PTPRD: variants seen among roughly 807,000 people sequenced by gnomAD.
The protein encoded by PTPRD is receptor-type tyrosine-protein phosphatase delta.
Under a neutral mutation model 214.5 loss-of-function variants are expected in PTPRD, and 34 were observed. The observed-to-expected ratio is 0.16, with a 90% CI of 0.12 to 0.21. The LOEUF (loss-of-function observed/expected upper bound fraction) is 0.21, where lower values mean the gene tolerates loss of function less well. Ranked by LOEUF, PTPRD falls within the 10% of genes least tolerant of loss-of-function variation. The probability of loss-of-function intolerance (pLI) is 1.00; values close to 1 mark genes in which losing one functional copy is unlikely to be tolerated. For synonymous variants in PTPRD, 1,128 were observed against 845.7 expected, an observed-to-expected ratio of 1.33 and a Z score of -5.79; for missense variants, 2,545 against 2,398.7, an observed-to-expected ratio of 1.06 and a Z score of -1.27.
chr9:9,101,433 C>T (rs1193706028), intron 10 of PTPRD, among the ~76,000 whole-genome samples: 3 of 152,144 alleles, frequency 2.0e-5, no homozygotes, highest in African/African-American at 7.2e-5. Flanking sequence ...TTAGCATCCT[C>T]ACCTCCCATG....
At chr9:9,762,065 C>T (rs1017447759) in intron 6 of PTPRD, among the ~76,000 whole-genome samples, 1 of 152,172 alleles carries the variant, frequency 6.6e-6, no homozygotes, top group Non-Finnish European at 1.5e-5. Flanking sequence ...AGGCCAGTGT[C>T]CGAATCCCAA....
At chr9:8,523,669 A>G in intron 18 of PTPRD, 145 bp from the exon 19 acceptor site, 1 of 830,490 alleles carries the variant, frequency 1.2e-6, no homozygotes, top group Non-Finnish European at 1.9e-6. Context: ...CATCCTTCCT[A>G]TCTCAGCTGG....
chr9:9,621,737 C>G (rs1381509280), intron 7 of PTPRD, among the ~76,000 whole-genome samples: 1 of 152,124 alleles, frequency 6.6e-6, no homozygotes, highest in African/African-American at 2.4e-5. Flanking sequence ...TGAAGTGGAG[C>G]ACGCCTGGGC....
At chr9:8,977,681 T>TC in intron 11 of PTPRD, among the ~76,000 whole-genome samples, 1 of 149,208 alleles carries the variant, frequency 6.7e-6, no homozygotes, top group Middle Eastern at 3.4e-3. Flanking sequence ...TTTTTTTTTT[T>TC]TGCTAGTCCT....
intron 7 of PTPRD, among the ~76,000 whole-genome samples, chr9:9,686,753 A>C (rs536360130): frequency 1.2e-4 from 18 of 151,924 alleles, no homozygotes; most frequent in Admixed American, 9.9e-4. Flanking sequence ...CAGGTAATAC[A>C]TTGTGTACAT....
chr9:8,581,445 A>G (rs868355109), intron 14 of PTPRD, among the ~76,000 whole-genome samples: 4 of 152,262 alleles, frequency 2.6e-5, no homozygotes, highest in South Asian at 2.1e-4. Context: ...TAAACATCAT[A>G]AAGAAAGAAA....
In PTPRD at chr9:10,037,579, G is replaced by GA. The variant is rs1567236061; in HGVS notation, c.-544-3790_-544-3789insT. On this transcript the variant is annotated intron_variant, in intron 3 of 45. Coordinates refer to ENST00000381196, the MANE Select transcript of PTPRD (RefSeq NM_002839.4). ...GTCTTGAGTATTTCTTTATAGCAGTGGAAAAAAAAAAAAAAAAAAACAAGC... is the reference window on the plus strand; with the variant it reads ...GTCTTGAGTATTTCTTTATAGCAGTGAGAAAAAAAAAAAAAAAAAAACAAGC... Among the ~76,000 whole-genome samples, 29 of 80,030 alleles carry GA rather than the reference G, an allele frequency of 3.6e-4. No homozygotes were observed. In the East Asian group the frequency reaches 3.9e-3, roughly 11 times the overall value. 52.5% of individuals were successfully genotyped at this position (80,030 alleles called of 152,430 possible).
chr9:10,470,577 G>C (rs189099287), intron 2 of PTPRD, among the ~76,000 whole-genome samples: 1 of 152,216 alleles, frequency 6.6e-6, no homozygotes, highest in East Asian at 1.9e-4. Flanking sequence ...AAAAGAAGTG[G>C]TAATAAATGG....
At position 10,033,776 on chromosome 9, in the gene PTPRD, C is replaced by T. The variant is rs1178207053; in HGVS notation, c.-530G>A. 1 of 152,068 alleles carries T rather than the reference C, an allele frequency of 6.6e-6. No individual in the cohort carries two copies. Among genetic ancestry groups the T allele is most frequent in the African/African-American group, 2.4e-5 (1 of 41,418 alleles). 9.4% of individuals were successfully genotyped at this position (152,068 alleles called of 1,614,324 possible). ...TAGCTGGAGGATGAAAAGTATCAGA[C>T]TCCTCAAGATTTCCCTGAAAGGAAA... On this transcript the variant is annotated 5_prime_UTR_variant, in exon 4 of 46. Coordinates refer to ENST00000381196, the MANE Select transcript of PTPRD (RefSeq NM_002839.4).
chr9:10,070,749 G>A (rs2097991800), intron 3 of PTPRD, among the ~76,000 whole-genome samples: 1 of 151,794 alleles, frequency 6.6e-6, no homozygotes, highest in Non-Finnish European at 1.5e-5. Context: ...AATTTTCAAT[G>A]ACTATTTAGT....
intron 2 of PTPRD, among the ~76,000 whole-genome samples, chr9:10,381,836 G>T (rs1192174256): frequency 6.6e-6 from 1 of 151,828 alleles, no homozygotes; most frequent in Non-Finnish European, 1.5e-5. Context: ...TTCACCAGTG[G>T]CATTATTGGA....
chr9:8,669,822 T>C (rs1400330689), intron 12 of PTPRD, among the ~76,000 whole-genome samples: 2 of 152,062 alleles, frequency 1.3e-5, no homozygotes, highest in Non-Finnish European at 2.9e-5. Flanking sequence ...TTATGAATAA[T>C]GTAGAGCCTG....
chr9:9,459,560 T>C (rs1437655182), intron 8 of PTPRD, among the ~76,000 whole-genome samples: 1 of 152,044 alleles, frequency 6.6e-6, no homozygotes, highest in Non-Finnish European at 1.5e-5. Context: ...ACATCCACCA[T>C]TTTCGAGCTG....
At chr9:9,357,887 C>T (rs1331757577) in intron 9 of PTPRD, among the ~76,000 whole-genome samples, 1 of 151,142 alleles carries the variant, frequency 6.6e-6, no homozygotes, top group African/African-American at 2.4e-5. Context: ...TCTTTACCTA[C>T]CACAACCATT....
At chr9:8,730,889 G>A (rs2098650131) in intron 12 of PTPRD, among the ~76,000 whole-genome samples, 1 of 152,110 alleles carries the variant, frequency 6.6e-6, no homozygotes, top group Admixed American at 6.6e-5. Flanking sequence ...CAGCTCTACT[G>A]TCCAGACATG....
At chr9:9,583,911 T>C (rs192220555) in intron 7 of PTPRD, among the ~76,000 whole-genome samples, 15 of 152,180 alleles carry the variant, frequency 9.9e-5, no homozygotes, top group African/African-American at 3.4e-4. Flanking sequence ...TTGGCTACTT[T>C]AATCAAGCCG....
intron 11 of PTPRD, among the ~76,000 whole-genome samples, chr9:8,983,473 T>A (rs2099324250): frequency 6.6e-6 from 1 of 152,028 alleles, no homozygotes; most frequent in Admixed American, 6.6e-5. Context: ...GACTTTTTTG[T>A]GTTTAGGAAA....
At chr9:9,332,590 A>C (rs994151200) in intron 9 of PTPRD, among the ~76,000 whole-genome samples, 1 of 151,380 alleles carries the variant, frequency 6.6e-6, no homozygotes, top group Non-Finnish European at 1.5e-5. Flanking sequence ...AAAAAAAAAA[A>C]ACCTCTATAC....
rs756427358 is a variant in PTPRD at position 8,678,693 on chromosome 9, T to C, written c.65-41849A>G. The stretch of plus-strand genomic sequence containing the variant: ...CCCAAAACCTTTGTAGTATAAATGT[T>C]TCTGAAAGGCACTGTGTTTTGCAAT... On this transcript the variant is annotated intron_variant, in intron 12 of 45. Transcript: ENST00000381196. Among the ~76,000 whole-genome samples the C allele has an allele frequency of 3.3e-5, 5 of 152,326 alleles. No homozygotes were observed. In the South Asian group the frequency reaches 6.2e-4, roughly 19 times the overall value.
Sources: allele counts gnomAD v4.1 joint callset (sites outside exome capture counted in the v4.1 genomes callset), GRCh38; gene constraint gnomAD v4.1.1; transcripts MANE v1.5; gene names NCBI Gene and HGNC (gene_info 2026-07-23, HGNC 2026-07-21).